The following PDCD6IP variants were observed in gnomAD, a reference collection of about 807,000 sequenced individuals.
The protein encoded by PDCD6IP is programmed cell death 6 interacting protein, also known as programmed cell death 6-interacting protein.
In PDCD6IP, 43 loss-of-function variants were observed where a neutral mutation model predicts 103.7. The observed-to-expected ratio is 0.41, with a 90% CI of 0.32 to 0.53. PDCD6IP has a LOEUF of 0.53. Among genes scored for constraint, PDCD6IP ranks in the 20% least tolerant of loss-of-function variants. PDCD6IP has a pLI of 0.16. For missense variants in PDCD6IP, 871 were observed against 1,036.7 expected (o/e 0.84, Z 2.20); for synonymous variants, 354 against 378.7 (o/e 0.93, Z 0.76).
chr3:33,830,909 C>T (rs995825882), intron 7 of PDCD6IP, among the ~76,000 whole-genome samples: 13 of 152,126 alleles, frequency 8.5e-5, no homozygotes, highest in African/African-American at 3.1e-4. Flanking sequence ...TGACGGAGAT[C>T]TTAGGAGGTC....
chr3:33,813,635 A>G lies in PDCD6IP; in HGVS notation c.334+7A>G. 1 of 1,525,678 alleles carries G rather than the reference A, an allele frequency of 6.6e-7. No individual in the cohort carries two copies. The highest frequency in any genetic ancestry group is 9.1e-7 in the Non-Finnish European group (1 of 1,102,472). The allele number at this position is 1,525,678 out of a possible 1,614,324, so 94.5% of individuals were successfully genotyped here. The stretch of plus-strand genomic sequence containing the variant: ...GGAGGCTCTGTAAAACTGGGTATGT[A>G]ATTTTTAATAAAAGTGATAGGAAAA... On this transcript the variant is annotated splice_region_variant and intron_variant, in intron 3 of 17. Transcript: ENST00000307296.
chr3:33,812,256 G>A (rs957626679), intron 2 of PDCD6IP, 130 bp downstream of exon 2: 14 of 1,271,694 alleles, frequency 1.1e-5, no homozygotes, highest in African/African-American at 1.6e-5. Flanking sequence ...TGTCTAATGC[G>A]AATATATGTG....
At chr3:33,827,737 C>T (rs1283951356) in intron 6 of PDCD6IP, 1 of 152,180 alleles carries the variant, frequency 6.6e-6, no homozygotes, top group East Asian at 1.9e-4. Flanking sequence ...TGCAGCATTC[C>T]TGGTATTCCT....
chr3:33,869,487 AAG>A lies in PDCD6IP; in HGVS notation c.*2966_*2967del, dbSNP rs1301530324. 5.9e-5 allele frequency: 9 copies of A among 152,208 alleles called. No individual in the cohort carries two copies. The highest frequency in any genetic ancestry group is 1.2e-4 in the African/African-American group (5 of 41,456). The allele number at this position is 152,208 out of a possible 1,614,324, so 9.4% of individuals were successfully genotyped here. On this transcript the variant is annotated 3_prime_UTR_variant, in exon 18 of 18. Coordinates refer to ENST00000307296, the MANE Select transcript of PDCD6IP (RefSeq NM_013374.6). ...GAAGGAAAAATTATATTTTTAAAGAAAGAGAATATTCAGGCTTTATTTCTGGT... is the reference window on the plus strand; with the variant it reads ...GAAGGAAAAATTATATTTTTAAAGAAAGAATATTCAGGCTTTATTTCTGGT...
chr3:33,798,635 G>C lies in PDCD6IP; in HGVS notation c.-94G>C. ...GGAGCGCAAGTCTGTCAGCCAGTCA[G>C]TCCGCCAGTCCGCCAGCCCAGTACC... On this transcript the variant is annotated 5_prime_UTR_variant, in exon 1 of 18. Transcript: ENST00000307296. 8.3e-7 allele frequency: 1 copy of C among 1,208,472 alleles called. No homozygotes were observed. The allele number at this position is 1,208,472 out of a possible 1,614,324, so 74.9% of individuals were successfully genotyped here.
At chr3:33,853,826 GCTA>G in intron 13 of PDCD6IP, 50 bp from the exon 14 acceptor site, 1 of 1,271,566 alleles carries the variant, frequency 7.9e-7, no homozygotes, top group African/African-American at 1.6e-5. Flanking sequence ...AATGTTATGA[GCTA>G]TATTAATTTT....
chr3:33,841,319 C>A (rs1229074793), intron 9 of PDCD6IP, among the ~76,000 whole-genome samples: 2 of 151,754 alleles, frequency 1.3e-5, no homozygotes, highest in Admixed American at 1.3e-4. Flanking sequence ...TGAGCCACTG[C>A]ACCAGCCTAT....
At chr3:33,834,550 G>A (rs1024349482) in intron 7 of PDCD6IP, among the ~76,000 whole-genome samples, 10 of 152,118 alleles carry the variant, frequency 6.6e-5, no homozygotes, top group African/African-American at 2.4e-4. Context: ...AGCTTTGGAG[G>A]TTAAGATTTT....
At chr3:33,834,499 C>CTTTTG (rs2125561773) in intron 7 of PDCD6IP, among the ~76,000 whole-genome samples, 1 of 152,184 alleles carries the variant, frequency 6.6e-6, no homozygotes, top group Admixed American at 6.5e-5. Flanking sequence ...TGAAGGGTAG[C>CTTTTG]TTTTGTTTTG....
chr3:33,829,015 T>TC (rs1425572308), intron 7 of PDCD6IP, 46 bp downstream of exon 7: 1 of 1,468,166 alleles, frequency 6.8e-7, no homozygotes, highest in East Asian at 2.5e-5. Context: ...CTTGGATCTC[T>TC]CTTTTTTTTC....
chr3:33,869,049 T>C lies in PDCD6IP; in HGVS notation c.*2524T>C, dbSNP rs1019562101. On this transcript the variant is annotated 3_prime_UTR_variant, in exon 18 of 18. Transcript: ENST00000307296. ...AATTTATAAACCTCCCCTTCAAAAC[T>C]AAGGAGTTGCAGAAAAAAATGGATT... is the stretch of plus-strand genomic sequence containing the variant. The C allele has an allele frequency of 6.6e-6, 1 of 152,138 alleles. No homozygotes were observed. Among genetic ancestry groups the C allele is most frequent in the African/African-American group, 2.4e-5 (1 of 41,414 alleles). 9.4% of individuals were successfully genotyped at this position (152,138 alleles called of 1,614,324 possible). A position where few individuals can be genotyped will look rare whatever the true frequency, so the allele number is the denominator to read the frequency against.
intron 12 of PDCD6IP, among the ~76,000 whole-genome samples, chr3:33,846,085 G>C (rs528392672): frequency 6.6e-6 from 1 of 152,148 alleles, no homozygotes; most frequent in Non-Finnish European, 1.5e-5. Flanking sequence ...GAATAGTAGG[G>C]CATCTGATTT....
At chr3:33,800,391 G>A (rs1039900110) in intron 1 of PDCD6IP, among the ~76,000 whole-genome samples, 4 of 152,092 alleles carry the variant, frequency 2.6e-5, no homozygotes, top group Non-Finnish European at 5.9e-5. Flanking sequence ...CATTTATGAT[G>A]GTGGGAAATG....
Position 33,852,857 on chromosome 3 carries a change from C to G in PDCD6IP, c.1890+121C>G, listed in dbSNP as rs1697748643. The G allele has an allele frequency of 1.0e-5, 12 of 1,179,490 alleles. No homozygotes were observed. The East Asian group carries it at 3.5e-4, about 34-fold the overall frequency. 73.1% of individuals were successfully genotyped at this position (1,179,490 alleles called of 1,614,324 possible). On this transcript the variant is annotated intron_variant, in intron 13 of 17. Transcript: ENST00000307296. ...AGAATATCTGTAGTTAAGAGTAGAACTTAATACATGTATATTTTGTAAAAT... is the reference window on the plus strand; with the variant it reads ...AGAATATCTGTAGTTAAGAGTAGAAGTTAATACATGTATATTTTGTAAAAT...
Position 33,826,532 on chromosome 3 carries a change from T to C in PDCD6IP, c.669T>C (p.Tyr223=), listed in dbSNP as rs1167302104. The C allele has an allele frequency of 1.9e-6, 3 of 1,612,408 alleles. No individual in the cohort carries two copies. The highest frequency in any genetic ancestry group is 2.5e-6 in the Non-Finnish European group (3 of 1,179,076). The change falls in exon 6 of 18, where the codon TAT becomes TAC. Residue 223 remains tyrosine (Y), a synonymous_variant. Coordinates refer to ENST00000307296, the MANE Select transcript of PDCD6IP (RefSeq NM_013374.6). ...IAKLANQAAD[Y]FGDAFKQCQY... Reference sequence around the variant, plus strand: ...AATTGGCTAATCAGGCTGCAGATTATTTTGGTGATGCTTTCAAACAGTGTC... The same window carrying C: ...AATTGGCTAATCAGGCTGCAGATTACTTTGGTGATGCTTTCAAACAGTGTC...
chr3:33,803,050 T>C (rs528668276), intron 1 of PDCD6IP, among the ~76,000 whole-genome samples: 1 of 152,356 alleles, frequency 6.6e-6, no homozygotes, highest in Admixed American at 6.5e-5. Flanking sequence ...TTTTAGTAAA[T>C]TTTGTTGAAA....
chr3:33,854,098 A>T (rs1697778483), intron 14 of PDCD6IP, 85 bp downstream of exon 14: 1 of 1,424,590 alleles, frequency 7.0e-7, no homozygotes, highest in Non-Finnish European at 9.3e-7. Context: ...TTTCCAGTTG[A>T]ACCAAATTGC....
At chr3:33,855,877 TGTAAG>T (rs1697816231) in intron 15 of PDCD6IP, among the ~76,000 whole-genome samples, 1 of 152,046 alleles carries the variant, frequency 6.6e-6, no homozygotes, top group African/African-American at 2.4e-5. Context: ...CAACAACAAA[TGTAAG>T]GAGGCAATCA....
At chr3:33,835,989 G>T (rs1322731595) in intron 7 of PDCD6IP, 55 bp from the exon 8 acceptor site, 4 of 1,004,118 alleles carry the variant, frequency 4.0e-6, no homozygotes, top group Admixed American at 4.2e-5. Flanking sequence ...TGGGGAAAGA[G>T]AAATAAAATC....
Sources: allele counts gnomAD v4.1 joint callset (sites outside exome capture counted in the v4.1 genomes callset), GRCh38; gene constraint gnomAD v4.1.1; transcripts MANE v1.5; gene names NCBI Gene and HGNC (gene_info 2026-07-23, HGNC 2026-07-21).